RRBP1: variants seen among roughly 807,000 people sequenced by gnomAD.
RRBP1 encodes ribosome binding protein 1.
A neutral mutation model predicts 165.2 loss-of-function variants in RRBP1; 94 were observed. That is an observed-to-expected ratio of 0.57 (90% CI 0.48 to 0.68). The LOEUF (loss-of-function observed/expected upper bound fraction) is 0.68, where lower values mean the gene tolerates loss of function less well. Among genes scored for constraint, RRBP1 ranks in the 30% least tolerant of loss-of-function variants. The pLI is 0.00. For missense variants in RRBP1, 1,676 were observed against 1,763.0 expected (o/e 0.95, Z 0.88); for synonymous variants, 680 against 714.5 (o/e 0.95, Z 0.77).
intron 2 of RRBP1, among the ~76,000 whole-genome samples, chr20:17,665,064 A>G (rs973802260): frequency 6.6e-6 from 1 of 151,974 alleles, no homozygotes. Context: ...TGCACTTTAG[A>G]TATTTATTTA....
intron 19 of RRBP1, 92 bp downstream of exon 19, chr20:17,619,541 G>A (rs777576408): frequency 4.6e-5 from 41 of 882,184 alleles, no homozygotes; most frequent in Non-Finnish European, 6.4e-5. Flanking sequence ...TTATGTCACC[G>A]AGAGCTGCTC....
At chr20:17,669,128 A>G (rs892532026) in intron 2 of RRBP1, among the ~76,000 whole-genome samples, 2 of 152,218 alleles carry the variant, frequency 1.3e-5, no homozygotes, top group Non-Finnish European at 2.9e-5. Flanking sequence ...TAAAGAAACA[A>G]TGTTACTCAT....
Position 17,641,806 on chromosome 20 carries a change from C to T in RRBP1, c.2175G>A (p.Glu725=), listed in dbSNP as rs1016038736. The change falls in exon 5 of 25, where the codon GAG becomes GAA. Residue 725 remains glutamate (E), a synonymous_variant. Transcript: ENST00000377813. ...CCCACTCAGGCTGTACCTTGTTGAGCTCCCTCAGTTTGCTCTTGGCGACAG... is the reference window on the plus strand; with the variant it reads ...CCCACTCAGGCTGTACCTTGTTGAGTTCCCTCAGTTTGCTCTTGGCGACAG... ...DAAVAKSKLR[E]LNKEMAAEKA... is the part of the protein sequence containing the mutation. 25 of 1,613,034 alleles carry T rather than the reference C, an allele frequency of 1.5e-5. No individual in the cohort carries two copies. The highest frequency in any genetic ancestry group is 2.1e-5 in the Non-Finnish European group (25 of 1,179,986).
At chr20:17,614,697 G>A in intron 24 of RRBP1, 40 bp downstream of exon 24, 1 of 1,604,192 alleles carries the variant, frequency 6.2e-7, no homozygotes, top group Non-Finnish European at 8.5e-7. Context: ...GCTCCCGGCA[G>A]CTCGACTCCT....
intron 3 of RRBP1, among the ~76,000 whole-genome samples, chr20:17,648,754 C>A (rs1037381017): frequency 1.3e-5 from 2 of 152,092 alleles, no homozygotes; most frequent in Non-Finnish European, 1.5e-5. Flanking sequence ...TCAACAAAAC[C>A]AATTTTATAC....
At chr20:17,675,134 C>T (rs1397905266) in intron 2 of RRBP1, among the ~76,000 whole-genome samples, 1 of 152,250 alleles carries the variant, frequency 6.6e-6, no homozygotes, top group East Asian at 1.9e-4. Flanking sequence ...AGGTTCACTT[C>T]AAACCCCAGC....
intron 9 of RRBP1, among the ~76,000 whole-genome samples, chr20:17,628,354 C>T (rs1022352859): frequency 6.6e-6 from 1 of 152,200 alleles, no homozygotes; most frequent in Non-Finnish European, 1.5e-5. Flanking sequence ...TCGCCCACTG[C>T]CGAAGCCTAC....
chr20:17,676,396 T>C (rs2122514919), intron 2 of RRBP1, among the ~76,000 whole-genome samples: 1 of 152,138 alleles, frequency 6.6e-6, no homozygotes. Flanking sequence ...CTAGCTGGCC[T>C]AGTTTCATTT....
chr20:17,669,457 C>G (rs965154187), intron 2 of RRBP1, among the ~76,000 whole-genome samples: 1 of 152,202 alleles, frequency 6.6e-6, no homozygotes, highest in African/African-American at 2.4e-5. Context: ...GGAGTTCTTA[C>G]TGCCGTAAAC....
intron 19 of RRBP1, chr20:17,619,292 A>G (rs2035862418): frequency 4.1e-6 from 1 of 244,090 alleles, no homozygotes; most frequent in East Asian, 8.2e-5. Context: ...AAAAAGTGTC[A>G]GATCTAAATC....
Position 17,627,335 on chromosome 20 carries a change from T to C in RRBP1, c.2963+13A>G. 1 of 1,612,780 alleles carries C rather than the reference T, an allele frequency of 6.2e-7. No individual in the cohort carries two copies. Among genetic ancestry groups the C allele is most frequent in the East Asian group, 2.2e-5 (1 of 44,870 alleles). ...AGGCTCAAGTGAGCAGGCAGGCTGCTTCCCCAGCTTACCGAGTCTGCTGCT... is the reference window on the plus strand; with the variant it reads ...AGGCTCAAGTGAGCAGGCAGGCTGCCTCCCCAGCTTACCGAGTCTGCTGCT... On this transcript the variant is annotated intron_variant, in intron 11 of 24. Coordinates refer to ENST00000377813, the MANE Select transcript of RRBP1 (RefSeq NM_001365613.2).
chr20:17,661,023 A>G (rs2036756747), intron 2 of RRBP1, among the ~76,000 whole-genome samples: 2 of 149,708 alleles, frequency 1.3e-5, no homozygotes, highest in Admixed American at 1.3e-4. Context: ...TTTTCATGTT[A>G]GGCCAGACAC....
In RRBP1 at chr20:17,627,726, C is replaced by T. The variant is rs144629635; in HGVS notation, c.2750-44G>A. ...AACGAGAAGTTAAGAGACTGCAAACCCCAGGGGGTGTGGAGGATGCCCTCA... is the reference window on the plus strand; with the variant it reads ...AACGAGAAGTTAAGAGACTGCAAACTCCAGGGGGTGTGGAGGATGCCCTCA... On this transcript the variant is annotated intron_variant, in intron 9 of 24. Transcript: ENST00000377813. 1,477 of 1,530,566 alleles carry T rather than the reference C, an allele frequency of 9.7e-4. 2 individuals are homozygous for T. Among genetic ancestry groups the T allele is most frequent in the Non-Finnish European group, 1.1e-3 (1,293 of 1,135,994 alleles). The allele number at this position is 1,530,566 out of a possible 1,614,324, so 94.8% of individuals were successfully genotyped here. A position where few individuals can be genotyped will look rare whatever the true frequency, so the allele number is the denominator to read the frequency against.
rs1057039567 is a variant in RRBP1, at chr20:17,627,797, C to T, written c.2750-115G>A. 5.0e-6 allele frequency: 5 copies of T among 994,264 alleles called. No homozygotes were observed. The South Asian group carries it at 5.5e-5, about 11-fold the overall frequency. 61.6% of individuals were successfully genotyped at this position (994,264 alleles called of 1,614,324 possible). A position where few individuals can be genotyped will look rare whatever the true frequency, so the allele number is the denominator to read the frequency against. On this transcript the variant is annotated intron_variant, in intron 9 of 24. Transcript: ENST00000377813. ...GTGGGGCACCGAGGGCTTCCTCCTGCCTCCTCTGTGTGTCTGGGGCTCTTA... is the reference window on the plus strand; with the variant it reads ...GTGGGGCACCGAGGGCTTCCTCCTGTCTCCTCTGTGTGTCTGGGGCTCTTA...
intron 11 of RRBP1, among the ~76,000 whole-genome samples, chr20:17,626,665 C>T (rs2036027139): frequency 6.6e-6 from 1 of 152,202 alleles, no homozygotes; most frequent in Non-Finnish European, 1.5e-5. Context: ...CAGGACCTGC[C>T]TCCCCAGACT....
In RRBP1 at chr20:17,617,795, C is replaced by A. The variant is rs76758971; in HGVS notation, c.3759+801G>T. Among the ~76,000 whole-genome samples the A allele has an allele frequency of 2.9e-4, 44 of 152,342 alleles. 1 individual carries two copies. The South Asian group carries it at 6.0e-3, about 21-fold the overall frequency. On this transcript the variant is annotated intron_variant, in intron 20 of 24. Coordinates refer to ENST00000377813, the MANE Select transcript of RRBP1 (RefSeq NM_001365613.2). ...CTGGCTGCTGCAGGGGGAATGCCAGCCCATTTTTATTTAAAATTTCCCAAT... is the reference window on the plus strand; with the variant it reads ...CTGGCTGCTGCAGGGGGAATGCCAGACCATTTTTATTTAAAATTTCCCAAT...
rs1436361830 is a variant in RRBP1 at position 17,633,540 on chromosome 20, C to A, written c.2530G>T (p.Ala844Ser). The change falls in exon 8 of 25, where the codon GCT becomes TCT. Residue 844 changes from alanine (A) to serine (S), a missense_variant. Physicochemically the swap from Ala to Ser is moderately conservative, Grantham distance 99. Coordinates refer to ENST00000377813, the MANE Select transcript of RRBP1 (RefSeq NM_001365613.2). ...VSKELVEKSEAVRQDEQQRKA... is the reference protein window; with the variant it reads ...VSKELVEKSESVRQDEQQRKA... ...CGCTGCTGCTCATCTTGCCGCACAG[C>A]CTCTGACTTCTCCACCAGCTCTTTG... is the stretch of plus-strand genomic sequence containing the variant. The A allele has an allele frequency of 1.9e-6, 3 of 1,613,968 alleles. No individual in the cohort carries two copies. Among genetic ancestry groups the A allele is most frequent in the East Asian group, 2.2e-5 (1 of 44,896 alleles).
intron 11 of RRBP1, 28 bp from the exon 12 acceptor site, chr20:17,625,630 TAGGCTCCAAGGGGCTACAGCCCCTAC>T (rs2036002801): frequency 6.3e-7 from 1 of 1,597,694 alleles, no homozygotes; most frequent in Non-Finnish European, 8.6e-7. Flanking sequence ...GGTCACCGCC[TAGGCTCCAAGGGGCTACAGCCCCTAC>T]AGATCCCACC....
intron 2 of RRBP1, among the ~76,000 whole-genome samples, chr20:17,673,099 T>C (rs560679706): frequency 1.3e-5 from 2 of 152,362 alleles, no homozygotes; most frequent in Non-Finnish European, 2.9e-5. Context: ...CTCGTGATAG[T>C]GCATTTTTCT....
Sources: allele counts gnomAD v4.1 joint callset (sites outside exome capture counted in the v4.1 genomes callset), GRCh38; gene constraint gnomAD v4.1.1; transcripts MANE v1.5; gene names NCBI Gene and HGNC (gene_info 2026-07-23, HGNC 2026-07-21).